FOXP1: variants seen among roughly 807,000 people sequenced by gnomAD.
The protein encoded by FOXP1 is forkhead box P1.
In FOXP1, 15 loss-of-function variants were observed where a neutral mutation model predicts 98.2. The ratio of observed to expected loss-of-function variants is 0.15; its 90% CI spans 0.10 to 0.24. The LOEUF (loss-of-function observed/expected upper bound fraction) is 0.24. Among genes scored for constraint, FOXP1 ranks in the 10% least tolerant of loss-of-function variants. FOXP1 has a pLI of 1.00. For synonymous variants in FOXP1, 371 were observed against 314.5 expected, an observed-to-expected ratio of 1.18 and a Z score of -1.90; for missense variants, 633 against 848.5, an observed-to-expected ratio of 0.75 and a Z score of 3.15.
intron 5 of FOXP1, among the ~76,000 whole-genome samples, chr3:71,216,808 G>A (rs1319023318): frequency 2.6e-5 from 4 of 152,218 alleles, no homozygotes; most frequent in South Asian, 4.2e-4. Context: ...TACAGCAGTC[G>A]TTCTCAACTG....
At chr3:71,412,520 C>T (rs1055183337) in intron 3 of FOXP1, among the ~76,000 whole-genome samples, 1 of 152,072 alleles carries the variant, frequency 6.6e-6, no homozygotes, top group Non-Finnish European at 1.5e-5. Flanking sequence ...AAACATAAAG[C>T]CAAAGAAAAT....
rs1275057039 is a variant in FOXP1 at position 70,973,703 on chromosome 3, T to TA, written c.1531-1028dup. On this transcript the variant is annotated intron_variant, in intron 17 of 20. Coordinates refer to ENST00000649528, the MANE Select transcript of FOXP1 (RefSeq NM_001349338.3). Reference sequence around the variant, plus strand: ...GGTCATTTACTTAAAATTTTCTTCTTATTCAGAGTAAGTAGATGACTCAAT... The same window carrying TA: ...GGTCATTTACTTAAAATTTTCTTCTTAATTCAGAGTAAGTAGATGACTCAAT... Among the ~76,000 whole-genome samples the TA allele has an allele frequency of 2.1e-4, 32 of 152,146 alleles. 1 individual carries two copies. Among genetic ancestry groups the TA allele is most frequent in the Non-Finnish European group, 5.9e-5 (4 of 68,020 alleles).
At chr3:71,365,757 G>A (rs868014669) in intron 3 of FOXP1, among the ~76,000 whole-genome samples, 9 of 152,150 alleles carry the variant, frequency 5.9e-5, no homozygotes, top group Non-Finnish European at 1.0e-4. Context: ...GGCCAAGCCC[G>A]GCAGATCACG....
intron 2 of FOXP1, chr3:71,580,848 A>C (rs1289528751): frequency 1.0e-6 from 1 of 985,254 alleles, no homozygotes; most frequent in Non-Finnish European, 1.2e-6. Flanking sequence ...GTTTGAATGT[A>C]CAGATGCCTT....
chr3:71,493,714 T>A (rs973614859), intron 2 of FOXP1, among the ~76,000 whole-genome samples, 159 bp from the exon 3 acceptor site: 2 of 152,228 alleles, frequency 1.3e-5, no homozygotes, highest in Non-Finnish European at 2.9e-5. Context: ...CTGTTAAATA[T>A]GAACCGGAAA....
At chr3:71,446,321 A>G (rs946912603) in intron 3 of FOXP1, among the ~76,000 whole-genome samples, 2 of 152,136 alleles carry the variant, frequency 1.3e-5, no homozygotes, top group African/African-American at 2.4e-5. Flanking sequence ...AGGTAATATA[A>G]TATGTTGTTG....
chr3:71,173,364 T>C (rs532827210), intron 6 of FOXP1, among the ~76,000 whole-genome samples: 2 of 141,606 alleles, frequency 1.4e-5, no homozygotes, highest in Admixed American at 7.5e-5. Context: ...TGCCTCAATT[T>C]AGAAAAAAAA....
chr3:71,098,077 C>T (rs2056629185), intron 7 of FOXP1, among the ~76,000 whole-genome samples: 2 of 152,118 alleles, frequency 1.3e-5, no homozygotes, highest in Non-Finnish European at 2.9e-5. Flanking sequence ...TGAAACCAAG[C>T]CAAAGTCTGC....
intron 18 of FOXP1, chr3:70,971,949 T>G: frequency 7.8e-7 from 1 of 1,286,320 alleles, no homozygotes; most frequent in Non-Finnish European, 1.0e-6. Context: ...ATGGGATGAG[T>G]CAACCATGCA....
At chr3:71,335,848 T>C (rs1005232843) in intron 4 of FOXP1, among the ~76,000 whole-genome samples, 16 of 151,558 alleles carry the variant, frequency 1.1e-4, no homozygotes, top group African/African-American at 3.6e-4. Flanking sequence ...CTACAAATAA[T>C]ACAAAAATTA....
At chr3:71,296,844 T>A (rs1157209612) in intron 5 of FOXP1, among the ~76,000 whole-genome samples, 1 of 152,204 alleles carries the variant, frequency 6.6e-6, no homozygotes, top group Non-Finnish European at 1.5e-5. Flanking sequence ...ATGACAAATC[T>A]GGTTGTTAAA....
intron 2 of FOXP1, among the ~76,000 whole-genome samples, chr3:71,513,449 C>T (rs1458137558): frequency 6.6e-6 from 1 of 152,196 alleles, no homozygotes; most frequent in Non-Finnish European, 1.5e-5. Context: ...TCGCTACCAA[C>T]TTCCTGGTCA....
chr3:71,122,040 T>C lies in FOXP1; in HGVS notation c.181-9403A>G, dbSNP rs189288979. Among the ~76,000 whole-genome samples the C allele has an allele frequency of 2.7e-3, 408 of 152,318 alleles. 4 individuals carry two copies. Among genetic ancestry groups the C allele is most frequent in the Non-Finnish European group, 2.5e-3 (171 of 68,026 alleles). The stretch of plus-strand genomic sequence containing the variant: ...TCTTTTCATACCTCAGAATGAGACT[T>C]GCTAATTTTGAAGCTTGTGGAAGAA... On this transcript the variant is annotated intron_variant, in intron 6 of 20. Coordinates refer to ENST00000649528, the MANE Select transcript of FOXP1 (RefSeq NM_001349338.3).
At chr3:71,342,477 C>G (rs1296215884) in intron 4 of FOXP1, among the ~76,000 whole-genome samples, 2 of 152,042 alleles carry the variant, frequency 1.3e-5, no homozygotes, top group Non-Finnish European at 2.9e-5. Context: ...CGAGAACAGC[C>G]TGATCAGGAG....
intron 7 of FOXP1, among the ~76,000 whole-genome samples, chr3:71,059,894 GAC>G (rs1559841654): frequency 6.6e-6 from 1 of 152,044 alleles, no homozygotes; most frequent in African/African-American, 2.4e-5. Flanking sequence ...TAATGAAAGA[GAC>G]AGCAACTGTT....
intron 4 of FOXP1, among the ~76,000 whole-genome samples, chr3:71,325,466 C>T (rs2107688647): frequency 7.4e-6 from 1 of 134,610 alleles, no homozygotes; most frequent in Admixed American, 8.4e-5. Flanking sequence ...AGTATGCCAT[C>T]CTTCTATGGT....
intron 12 of FOXP1, among the ~76,000 whole-genome samples, chr3:71,002,728 C>T (rs572147464): frequency 1.1e-4 from 16 of 152,194 alleles, no homozygotes; most frequent in African/African-American, 3.6e-4. Flanking sequence ...TGTCAGAACT[C>T]GGGAGTTAGT....
At chr3:71,280,701 C>T (rs185259906) in intron 5 of FOXP1, among the ~76,000 whole-genome samples, 21 of 152,038 alleles carry the variant, frequency 1.4e-4, no homozygotes, top group Admixed American at 6.6e-4. Context: ...CCTATGGTAA[C>T]TGGCTACCAT....
At chr3:71,487,882 C>A (rs1049287835) in intron 3 of FOXP1, among the ~76,000 whole-genome samples, 1 of 152,160 alleles carries the variant, frequency 6.6e-6, no homozygotes, top group Non-Finnish European at 1.5e-5. Context: ...CATTCCTAGA[C>A]TAATTTCCTA....
Sources: allele counts gnomAD v4.1 joint callset (sites outside exome capture counted in the v4.1 genomes callset), GRCh38; gene constraint gnomAD v4.1.1; transcripts MANE v1.5; gene names NCBI Gene and HGNC (gene_info 2026-07-23, HGNC 2026-07-21).